The following HECW1 variants were observed in gnomAD, a reference collection of about 807,000 sequenced individuals.
HECW1 encodes HECT, C2 and WW domain containing E3 ubiquitin protein ligase 1.
In HECW1, 61 loss-of-function variants were observed where a neutral mutation model predicts 182.3. The observed-to-expected ratio is 0.33, with a 90% CI of 0.27 to 0.41. HECW1 has a LOEUF of 0.41. HECW1 is among the 10% of genes least tolerant of loss of function. The pLI, the probability that HECW1 is intolerant of heterozygous loss-of-function variation, is 1.00. For missense variants in HECW1, 1,739 were observed against 2,108.9 expected, an observed-to-expected ratio of 0.82 and a Z score of 3.44; for synonymous variants, 859 against 832.6, an observed-to-expected ratio of 1.03 and a Z score of -0.55.
chr7:43,328,430 T>C (rs1054221985), intron 5 of HECW1, among the ~76,000 whole-genome samples: 1 of 152,192 alleles, frequency 6.6e-6, no homozygotes, highest in Non-Finnish European at 1.5e-5. Flanking sequence ...GAAGAAGCAG[T>C]GAACTAGAGG....
chr7:43,400,521 C>T (rs988561960), intron 7 of HECW1, among the ~76,000 whole-genome samples: 2 of 152,098 alleles, frequency 1.3e-5, no homozygotes, highest in Non-Finnish European at 2.9e-5. Context: ...GACTATAATA[C>T]TCAAGAGAAA....
At chr7:43,473,710 C>T (rs181583161) in intron 16 of HECW1, among the ~76,000 whole-genome samples, 2 of 151,394 alleles carry the variant, frequency 1.3e-5, no homozygotes, top group Admixed American at 6.6e-5. Context: ...GGGAGTAAAA[C>T]GGGATCATTT....
intron 7 of HECW1, among the ~76,000 whole-genome samples, chr7:43,400,791 C>T (rs978840505): frequency 1.3e-5 from 2 of 152,214 alleles, no homozygotes; most frequent in East Asian, 3.8e-4. Context: ...TCTTACTGTT[C>T]TGGAGGTCAG....
chr7:43,343,708 A>G (rs775249616), intron 5 of HECW1, among the ~76,000 whole-genome samples: 44 of 151,938 alleles, frequency 2.9e-4, no homozygotes, highest in Admixed American at 5.2e-4. Context: ...GCTATTGTGA[A>G]TAGTGCCGCA....
Position 43,426,716 on chromosome 7 carries a change from G to A in HECW1, c.802-11287G>A, listed in dbSNP as rs564340845. Among the ~76,000 whole-genome samples, 13 of 151,978 alleles carry A rather than the reference G, an allele frequency of 8.6e-5. No individual in the cohort carries two copies. In the South Asian group the frequency reaches 2.7e-3, roughly 32 times the overall value. On this transcript the variant is annotated intron_variant, in intron 8 of 29. Coordinates refer to ENST00000395891, the MANE Select transcript of HECW1 (RefSeq NM_015052.5). ...AGGATTATCTGATCCAAGAAATTTT[G>A]GTAAAATGTACTTATAACGTGTTCT...
intron 2 of HECW1, among the ~76,000 whole-genome samples, chr7:43,118,796 C>T (rs186784413): frequency 3.2e-4 from 48 of 152,116 alleles, no homozygotes; most frequent in African/African-American, 1.1e-3. Flanking sequence ...CCTTGGTGTC[C>T]CCTCTACATG....
At chr7:43,518,924 A>G (rs910417105) in intron 24 of HECW1, among the ~76,000 whole-genome samples, 3 of 152,238 alleles carry the variant, frequency 2.0e-5, no homozygotes, top group Non-Finnish European at 2.9e-5. Context: ...GCATGAAAGC[A>G]ATTTTATAGC....
At chr7:43,280,652 C>A (rs1368655821) in intron 3 of HECW1, among the ~76,000 whole-genome samples, 1 of 152,200 alleles carries the variant, frequency 6.6e-6, no homozygotes, top group East Asian at 1.9e-4. Context: ...AATCCCAGTA[C>A]AATGAGAAAG....
At chr7:43,128,841 A>G (rs987315832) in intron 2 of HECW1, among the ~76,000 whole-genome samples, 15 of 151,928 alleles carry the variant, frequency 9.9e-5, no homozygotes, top group African/African-American at 3.1e-4. Flanking sequence ...ATTGGTTGCA[A>G]CCCTCATGGA....
In HECW1 at chr7:43,444,378, C is replaced by T. The variant is rs763060386; in HGVS notation, c.1206C>T (p.Pro402=). 8.1e-6 allele frequency: 13 copies of T among 1,613,956 alleles called. No individual in the cohort carries two copies. The highest frequency in any genetic ancestry group is 1.6e-4 in the Middle Eastern group (1 of 6,062). The change falls in exon 11 of 30, where the codon CCC becomes CCT. Residue 402 remains proline, a synonymous_variant. Transcript: ENST00000395891. The surrounding 1 kb of genome is among the most constrained non-coding windows in gnomAD (Gnocchi z 4.3). ...AGCAGCTGGGTGAGGGCAGTGTCCC[C>T]GATGGTCCAGGGAACCAAAGCATAG... The part of the protein sequence containing the change: ...KPEQLGEGSV[P]DGPGNQSIEL...
intron 6 of HECW1, among the ~76,000 whole-genome samples, chr7:43,384,659 A>G (rs2074696441): frequency 6.6e-6 from 1 of 152,242 alleles, no homozygotes; most frequent in Admixed American, 6.5e-5. Context: ...GCATCTTTTC[A>G]TTCAGTGAGG....
intron 16 of HECW1, 55 bp from the exon 17 acceptor site, chr7:43,479,555 C>CA: frequency 6.2e-7 from 1 of 1,608,678 alleles, no homozygotes; most frequent in Non-Finnish European, 8.5e-7. Context: ...TTACTGACTC[C>CA]ATTTTGGCCT....
chr7:43,345,612 C>T (rs1025043973), intron 5 of HECW1, among the ~76,000 whole-genome samples: 10 of 151,988 alleles, frequency 6.6e-5, no homozygotes, highest in Non-Finnish European at 1.5e-4. Flanking sequence ...CCCCAAAGTC[C>T]ATTGTATCAT....
chr7:43,116,185 A>G (rs1785033107), intron 2 of HECW1, among the ~76,000 whole-genome samples: 1 of 152,190 alleles, frequency 6.6e-6, no homozygotes, highest in African/African-American at 2.4e-5. Context: ...TAAACAAAAA[A>G]ACACGTAGAG....
chr7:43,405,809 T>C (rs764596021), intron 7 of HECW1, among the ~76,000 whole-genome samples: 1 of 152,236 alleles, frequency 6.6e-6, no homozygotes, highest in Non-Finnish European at 1.5e-5. Flanking sequence ...TTATAAGCAG[T>C]TGAGTAGTCT....
chr7:43,282,176 A>G (rs564252474), intron 3 of HECW1, among the ~76,000 whole-genome samples: 164 of 152,350 alleles, frequency 1.1e-3, no homozygotes, highest in African/African-American at 3.8e-3. Context: ...GGCTGTGTGC[A>G]TGGGTCACTT....
intron 3 of HECW1, among the ~76,000 whole-genome samples, chr7:43,302,747 TC>T (rs1421435253): frequency 6.6e-6 from 1 of 152,210 alleles, no homozygotes; most frequent in African/African-American, 2.4e-5. Context: ...TGAACACATA[TC>T]CTTTTCCTCT....
chr7:43,276,901 G>A (rs1803227278), intron 3 of HECW1, among the ~76,000 whole-genome samples: 1 of 152,180 alleles, frequency 6.6e-6, no homozygotes, highest in Non-Finnish European at 1.5e-5. Flanking sequence ...CACTCACGGA[G>A]CTTAGAAAGT....
At chr7:43,229,605 A>G (rs1458364500) in intron 2 of HECW1, among the ~76,000 whole-genome samples, 1 of 151,484 alleles carries the variant, frequency 6.6e-6, no homozygotes, top group Non-Finnish European at 1.5e-5. Context: ...ACAAATCTGC[A>G]CAGGCACACC....
Sources: gnomAD v4.1 joint callset for allele counts (sites outside exome capture counted in the v4.1 genomes callset) on GRCh38, gnomAD v4.1.1 for gene constraint, Gnocchi (gnomAD v3.1) non-coding constraint, MANE v1.5 for transcripts, NCBI Gene and HGNC (gene_info 2026-07-23, HGNC 2026-07-21) for gene names.